Variants in LRRK1 observed in about 807,000 individuals in gnomAD.
LRRK1 encodes the protein leucine rich repeat kinase 1.
A neutral mutation model predicts 209.1 loss-of-function variants in LRRK1; 113 were observed. The ratio of observed to expected loss-of-function variants is 0.54; its 90% CI spans 0.46 to 0.63. The LOEUF (loss-of-function observed/expected upper bound fraction) is 0.63, where lower values mean the gene tolerates loss of function less well. Among genes scored for constraint, LRRK1 ranks in the 30% least tolerant of loss-of-function variants. The probability of loss-of-function intolerance (pLI) is 0.00; values close to 1 mark genes in which losing one functional copy is unlikely to be tolerated. For missense variants in LRRK1, 2,284 were observed against 2,632.2 expected, an observed-to-expected ratio of 0.87 and a Z score of 2.89; for synonymous variants, 1,144 against 1,099.7, an observed-to-expected ratio of 1.04 and a Z score of -0.80.
At chr15:100,963,204 C>T (rs1304053327) in intron 2 of LRRK1, among the ~76,000 whole-genome samples, 2 of 152,020 alleles carry the variant, frequency 1.3e-5, no homozygotes, top group Non-Finnish European at 2.9e-5. Flanking sequence ...CTATGTTCTA[C>T]TTTTAGCTTG....
intron 6 of LRRK1, among the ~76,000 whole-genome samples, chr15:101,007,598 G>A (rs1389548330): frequency 6.6e-6 from 1 of 152,218 alleles, no homozygotes; most frequent in Non-Finnish European, 1.5e-5. Context: ...GAGACCCACA[G>A]GCTGGCAGAG....
chr15:100,953,348 A>G (rs548256855), intron 2 of LRRK1, among the ~76,000 whole-genome samples: 1 of 152,208 alleles, frequency 6.6e-6, no homozygotes, highest in Admixed American at 6.5e-5. Context: ...TGGACTTTTT[A>G]AGATTCCACA....
chr15:101,032,976 A>C (rs1273322401), intron 20 of LRRK1, among the ~76,000 whole-genome samples: 1 of 152,206 alleles, frequency 6.6e-6, no homozygotes, highest in East Asian at 1.9e-4. Flanking sequence ...TGAATGTGGC[A>C]TCTTAAAACA....
intron 6 of LRRK1, among the ~76,000 whole-genome samples, chr15:101,000,882 G>A (rs937264405): frequency 3.3e-5 from 5 of 152,120 alleles, no homozygotes; most frequent in African/African-American, 7.2e-5. Context: ...ACTGCAACCC[G>A]TCACACCATC....
intron 2 of LRRK1, among the ~76,000 whole-genome samples, chr15:100,933,023 A>G (rs2141599816): frequency 6.6e-6 from 1 of 152,276 alleles, no homozygotes; most frequent in Middle Eastern, 3.4e-3. Context: ...CCTCCCACCC[A>G]GGACTCTTAC....
chr15:101,042,161 T>C (rs1002070372), intron 20 of LRRK1, among the ~76,000 whole-genome samples: 7 of 152,256 alleles, frequency 4.6e-5, no homozygotes, highest in Non-Finnish European at 1.0e-4. Flanking sequence ...TCTCTTTTCA[T>C]CCTGAAGAAT....
chr15:100,927,850 A>G (rs112272849), intron 2 of LRRK1, among the ~76,000 whole-genome samples: 2,462 of 152,384 alleles, frequency 0.016, 62 homozygotes, highest in African/African-American at 0.054. Context: ...CCTGGAGCTC[A>G]CTAACAGAAG....
intron 1 of LRRK1, 127 bp from the exon 2 acceptor site, chr15:100,924,384 G>C: frequency 2.0e-6 from 1 of 506,826 alleles, no homozygotes; most frequent in Non-Finnish European, 3.6e-6. Context: ...TGATGGGTTT[G>C]GCTGGATAGA....
intron 2 of LRRK1, among the ~76,000 whole-genome samples, chr15:100,937,767 C>A (rs1201662224): frequency 2.6e-5 from 4 of 151,978 alleles, no homozygotes; most frequent in Non-Finnish European, 5.9e-5. Flanking sequence ...GATCTCCTGA[C>A]CTCGTGATCC....
At chr15:100,925,260 C>T (rs886307550) in intron 2 of LRRK1, among the ~76,000 whole-genome samples, 2 of 152,188 alleles carry the variant, frequency 1.3e-5, no homozygotes, top group Admixed American at 1.3e-4. Context: ...GTGACATTTG[C>T]TTAGGGCACC....
rs772724015 is a variant in LRRK1 at position 101,024,880 on chromosome 15, G to A, written c.2145G>A (p.Thr715=). The change falls in exon 16 of 34, where the codon ACG becomes ACA. Residue 715 remains threonine (T), a synonymous_variant. Coordinates refer to ENST00000388948, the MANE Select transcript of LRRK1 (RefSeq NM_024652.6). The surrounding 1 kb of genome is among the most constrained non-coding windows in gnomAD (Gnocchi z 4.6). ...SMATVNQCFF[T]DKALYVVVWN... is the part of the protein sequence containing the mutation. ...CCACTGTCAACCAGTGCTTCTTCAC[G>A]GACAAGGCCCTGTACGTGGTGGTCT... 1.1e-5 allele frequency: 17 copies of A among 1,614,036 alleles called. No individual in the cohort carries two copies. Among genetic ancestry groups the A allele is most frequent in the South Asian group, 3.3e-5 (3 of 91,090 alleles).
At chr15:101,068,075 G>A (rs1277672724) in intron 33 of LRRK1, among the ~76,000 whole-genome samples, 2 of 152,154 alleles carry the variant, frequency 1.3e-5, no homozygotes, top group Non-Finnish European at 1.5e-5. Context: ...ATGTGCTTGG[G>A]GTGGGGCACC....
At chr15:101,016,913 G>A (rs1371238359) in intron 12 of LRRK1, among the ~76,000 whole-genome samples, 1 of 152,180 alleles carries the variant, frequency 6.6e-6, no homozygotes, top group African/African-American at 2.4e-5. Flanking sequence ...TAGTTTTTGT[G>A]CTGGTCACAC....
intron 2 of LRRK1, among the ~76,000 whole-genome samples, chr15:100,937,571 G>A (rs1051411877): frequency 1.3e-5 from 2 of 151,488 alleles, no homozygotes; most frequent in African/African-American, 2.4e-5. Context: ...GTCTCACTCT[G>A]TCCCCCAGGC....
intron 2 of LRRK1, among the ~76,000 whole-genome samples, chr15:100,936,059 C>T (rs375589688): frequency 5.9e-5 from 9 of 152,088 alleles, no homozygotes; most frequent in East Asian, 1.9e-4. Context: ...AGATTTAGGC[C>T]GGCACAGGAA....
chr15:101,004,723 C>T (rs1324474686), intron 6 of LRRK1, among the ~76,000 whole-genome samples: 1 of 152,188 alleles, frequency 6.6e-6, no homozygotes, highest in African/African-American at 2.4e-5. Context: ...GTTAAGCAGC[C>T]TGAGGCTGAG....
At position 100,962,816 on chromosome 15, in the gene LRRK1, T is replaced by TACAC. The variant is rs2030125624; in HGVS notation, c.98-10987_98-10986insCACA. Among the ~76,000 whole-genome samples the TACAC allele has an allele frequency of 3.5e-3, 116 of 32,720 alleles. 18 individuals carry two copies. Among genetic ancestry groups the TACAC allele is most frequent in the African/African-American group, 8.4e-3 (86 of 10,272 alleles). The allele number at this position is 32,720 out of a possible 152,430, so 21.5% of individuals were successfully genotyped here. On this transcript the variant is annotated intron_variant, in intron 2 of 33. Coordinates refer to ENST00000388948, the MANE Select transcript of LRRK1 (RefSeq NM_024652.6). ...TTGCATATATATATATATATATATA[T>TACAC]ATATATATTTTTTTTTTTTTTTTTG...
intron 2 of LRRK1, among the ~76,000 whole-genome samples, chr15:100,968,703 CTTCCTTCCTTCCTTCCTCCCT>C (rs1394535462): frequency 1.5e-5 from 1 of 64,950 alleles, no homozygotes; most frequent in Non-Finnish European, 3.7e-5. Flanking sequence ...TCCTTCCTTC[CTTCCTTCCTTCCTTCCTCCCT>C]TCCCTTCCCT....
At chr15:101,038,378 T>A (rs1016685643) in intron 20 of LRRK1, among the ~76,000 whole-genome samples, 4 of 152,250 alleles carry the variant, frequency 2.6e-5, no homozygotes, top group Admixed American at 2.6e-4. Context: ...AATTAAAAAT[T>A]AAAATATAAA....
Sources: allele counts gnomAD v4.1 joint callset (sites outside exome capture counted in the v4.1 genomes callset), GRCh38; gene constraint gnomAD v4.1.1; non-coding constraint Gnocchi (gnomAD v3.1); transcripts MANE v1.5; gene names NCBI Gene and HGNC (gene_info 2026-07-23, HGNC 2026-07-21).